The following GRM7 variants were observed in gnomAD, a reference collection of about 807,000 sequenced individuals.
GRM7 encodes the protein metabotropic glutamate receptor 7.
Under a neutral mutation model 84.5 loss-of-function variants are expected in GRM7, and 35 were observed. The ratio of observed to expected loss-of-function variants is 0.41; its 90% CI spans 0.32 to 0.55. The LOEUF (loss-of-function observed/expected upper bound fraction) is 0.55. GRM7 is among the 20% of genes least tolerant of loss of function. The pLI is 0.19. For synonymous variants in GRM7, 487 were observed against 455.1 expected, an observed-to-expected ratio of 1.07 and a Z score of -0.89; for missense variants, 1,003 against 1,194.6, an observed-to-expected ratio of 0.84 and a Z score of 2.36.
At chr3:7,568,797 C>A (rs1168307870) in intron 7 of GRM7, among the ~76,000 whole-genome samples, 1 of 152,096 alleles carries the variant, frequency 6.6e-6, no homozygotes, top group Non-Finnish European at 1.5e-5. Context: ...ACTGGCGCTG[C>A]GCTTGATTTC....
chr3:6,891,572 C>T (rs1695948056), intron 1 of GRM7, among the ~76,000 whole-genome samples: 1 of 152,204 alleles, frequency 6.6e-6, no homozygotes, highest in Non-Finnish European at 1.5e-5. Flanking sequence ...CCACTCTCTT[C>T]TGGCTTGTAG....
At chr3:7,054,441 T>G (rs1005136564) in intron 1 of GRM7, among the ~76,000 whole-genome samples, 6 of 151,316 alleles carry the variant, frequency 4.0e-5, no homozygotes, top group Admixed American at 6.6e-5. Flanking sequence ...TTTAATTTTT[T>G]TGTGTGTGTT....
At chr3:7,295,180 A>G (rs962676358) in intron 2 of GRM7, among the ~76,000 whole-genome samples, 1 of 152,206 alleles carries the variant, frequency 6.6e-6, no homozygotes, top group Non-Finnish European at 1.5e-5. Flanking sequence ...GTTAATTTCT[A>G]TATAAGGCAA....
intron 1 of GRM7, among the ~76,000 whole-genome samples, chr3:7,139,478 TA>T (rs1428097158): frequency 6.6e-6 from 1 of 151,928 alleles, no homozygotes; most frequent in African/African-American, 2.4e-5. Flanking sequence ...AAAAAATGCC[TA>T]GGGGAAATTT....
intron 1 of GRM7, among the ~76,000 whole-genome samples, chr3:7,049,319 A>G (rs1051638021): frequency 3.3e-5 from 5 of 152,000 alleles, no homozygotes; most frequent in African/African-American, 1.2e-4. Flanking sequence ...AGGCCTCACA[A>G]TCATGGCAGA....
chr3:7,707,313 G>A (rs1042681019), intron 9 of GRM7, among the ~76,000 whole-genome samples: 3 of 152,152 alleles, frequency 2.0e-5, no homozygotes, highest in African/African-American at 7.2e-5. Flanking sequence ...TCCATAGTCT[G>A]AGTTTCTTGG....
At chr3:7,381,169 T>C (rs1694575476) in intron 4 of GRM7, among the ~76,000 whole-genome samples, 2 of 152,150 alleles carry the variant, frequency 1.3e-5, no homozygotes, top group African/African-American at 4.8e-5. Context: ...AGTTAGTTTT[T>C]TTTTGATGTT....
At chr3:7,328,673 C>G (rs1050329373) in intron 4 of GRM7, among the ~76,000 whole-genome samples, 1 of 152,144 alleles carries the variant, frequency 6.6e-6, no homozygotes, top group African/African-American at 2.4e-5. Context: ...ACTTGTTAGG[C>G]AAGACAAATG....
In GRM7 at chr3:7,644,224, G is replaced by C. The variant is rs62233874; in HGVS notation, c.2452-35825G>C. On this transcript the variant is annotated intron_variant, in intron 8 of 9. Transcript: ENST00000357716. ...TATATATGTCTGTACATATATATGT[G>C]TGTGTCTGTACATATATATGTGTGT... is the stretch of plus-strand genomic sequence containing the variant. 5.7e-4 allele frequency among the ~76,000 whole-genome samples: 36 copies of C among 63,130 alleles called. 1 individual carries two copies. The highest frequency in any genetic ancestry group is 1.6e-3 in the African/African-American group (32 of 19,740). The allele number at this position is 63,130 out of a possible 152,430, so 41.4% of individuals were successfully genotyped here. A position where few individuals can be genotyped will look rare whatever the true frequency, so the allele number is the denominator to read the frequency against.
chr3:7,624,158 T>C (rs531565023), intron 8 of GRM7, among the ~76,000 whole-genome samples: 5 of 152,138 alleles, frequency 3.3e-5, no homozygotes, highest in Non-Finnish European at 7.4e-5. Flanking sequence ...CCAAAGTCAA[T>C]AGTGTTAGAG....
At chr3:7,682,434 A>G (rs547843050) in intron 9 of GRM7, 75 of 151,926 alleles carry the variant, frequency 4.9e-4, no homozygotes, top group African/African-American at 1.7e-3. Flanking sequence ...TGATAAACAT[A>G]TATGTATATT....
intron 5 of GRM7, among the ~76,000 whole-genome samples, chr3:7,451,281 A>G (rs545833497): frequency 6.6e-6 from 1 of 152,190 alleles, no homozygotes; most frequent in African/African-American, 2.4e-5. Flanking sequence ...GTGGGGATCC[A>G]AAGGTAAAAA....
chr3:7,608,601 G>A (rs903763168), intron 8 of GRM7, among the ~76,000 whole-genome samples: 3 of 151,860 alleles, frequency 2.0e-5, no homozygotes, highest in Admixed American at 6.6e-5. Flanking sequence ...TTCCTTGTAG[G>A]AGCTGGATAT....
chr3:6,962,414 G>A (rs943577784), intron 1 of GRM7, among the ~76,000 whole-genome samples: 5 of 152,076 alleles, frequency 3.3e-5, no homozygotes, highest in African/African-American at 1.2e-4. Flanking sequence ...GCAGGAAACA[G>A]TATGTTAGAA....
intron 7 of GRM7, among the ~76,000 whole-genome samples, chr3:7,468,998 T>C (rs755168964): frequency 6.6e-6 from 1 of 152,176 alleles, no homozygotes; most frequent in African/African-American, 2.4e-5. Flanking sequence ...GCTCAAAACG[T>C]CAATTACTAG....
intron 5 of GRM7, among the ~76,000 whole-genome samples, chr3:7,434,926 G>C (rs865897718): frequency 4.5e-4 from 69 of 152,106 alleles, no homozygotes; most frequent in African/African-American, 1.6e-3. Context: ...ATCTGAGCCT[G>C]GACTTTACTT....
At chr3:7,579,398 T>A in intron 8 of GRM7, 41 bp downstream of exon 8, 1 of 1,196,178 alleles carries the variant, frequency 8.4e-7, no homozygotes, top group Non-Finnish European at 1.2e-6. Flanking sequence ...TTTAAAAATG[T>A]GTTCATTTTT....
chr3:7,191,756 T>C (rs759235428), intron 2 of GRM7, among the ~76,000 whole-genome samples: 2 of 151,732 alleles, frequency 1.3e-5, no homozygotes, highest in Non-Finnish European at 2.9e-5. Flanking sequence ...AAGTGGACTT[T>C]AATGGACAAG....
intron 5 of GRM7, among the ~76,000 whole-genome samples, chr3:7,423,379 T>C (rs746521481): frequency 1.3e-5 from 2 of 152,212 alleles, no homozygotes; most frequent in African/African-American, 4.8e-5. Flanking sequence ...GGCCTTTCCA[T>C]ATTCAGAAAG....
Sources: allele counts gnomAD v4.1 joint callset (sites outside exome capture counted in the v4.1 genomes callset), GRCh38; gene constraint gnomAD v4.1.1; transcripts MANE v1.5; gene names NCBI Gene and HGNC (gene_info 2026-07-23, HGNC 2026-07-21).